The following BCL2A1 variants were observed in gnomAD, a reference collection of about 807,000 sequenced individuals.
The protein encoded by BCL2A1 is BCL2 related protein A1.
A neutral mutation model predicts 14.4 loss-of-function variants in BCL2A1; 10 were observed. That is an observed-to-expected ratio of 0.69 (90% CI 0.43 to 1.18). The LOEUF is 1.18. Among genes scored for constraint, BCL2A1 ranks in the 50% most tolerant of loss-of-function variants. The probability of loss-of-function intolerance (pLI) is 0.00; values close to 1 mark genes in which losing one functional copy is unlikely to be tolerated. For synonymous variants in BCL2A1, 71 were observed against 76.5 expected (o/e 0.93, Z 0.38); for missense variants, 158 against 205.0 (o/e 0.77, Z 1.40).
At chr15:79,964,949 A>G (rs1394466577) in intron 1 of BCL2A1, among the ~76,000 whole-genome samples, 1 of 152,132 alleles carries the variant, frequency 6.6e-6, no homozygotes, top group Non-Finnish European at 1.5e-5. Context: ...AGCTTATCCA[A>G]GGAGGCTGGA....
intron 1 of BCL2A1, among the ~76,000 whole-genome samples, chr15:79,970,216 T>C (rs1308095913): frequency 6.6e-6 from 1 of 152,138 alleles, no homozygotes; most frequent in Non-Finnish European, 1.5e-5. Flanking sequence ...ATTAGTAAAC[T>C]GAAAAACACC....
intron 1 of BCL2A1, among the ~76,000 whole-genome samples, chr15:79,964,293 A>C (rs560920661): frequency 7.2e-5 from 11 of 152,238 alleles, no homozygotes; most frequent in African/African-American, 2.6e-4. Flanking sequence ...AAAGAAAATC[A>C]AAATCTCAGA....
At chr15:79,967,517 A>C in intron 1 of BCL2A1, 217 of 1,137,950 alleles carry the variant, frequency 1.9e-4, no homozygotes, top group Non-Finnish European at 2.4e-4. Context: ...CACCCGGCAC[A>C]TACCGCATTG....
At chr15:79,968,888 C>G (rs1429553199) in intron 1 of BCL2A1, among the ~76,000 whole-genome samples, 2 of 152,160 alleles carry the variant, frequency 1.3e-5, no homozygotes, top group Non-Finnish European at 2.9e-5. Context: ...TGAGATCACA[C>G]CACTGCACTC....
chr15:79,965,860 C>T (rs1186451895), intron 1 of BCL2A1, among the ~76,000 whole-genome samples: 5 of 151,346 alleles, frequency 3.3e-5, no homozygotes, highest in Non-Finnish European at 7.4e-5. Flanking sequence ...ATGCCTTTGC[C>T]AAAGTGAACA....
chr15:79,964,859 A>G (rs2035523466), intron 1 of BCL2A1, among the ~76,000 whole-genome samples: 1 of 152,210 alleles, frequency 6.6e-6, no homozygotes, highest in African/African-American at 2.4e-5. Flanking sequence ...GGAAGAAGTA[A>G]GCCAGGCAAA....
At position 79,960,926 on chromosome 15, in the gene BCL2A1, G is replaced by C; in HGVS notation, c.*141C>G. 2 of 1,343,490 alleles carry C rather than the reference G, an allele frequency of 1.5e-6. No individual in the cohort carries two copies. Among genetic ancestry groups the C allele is most frequent in the East Asian group, 2.3e-5 (1 of 43,158 alleles). 83.2% of individuals were successfully genotyped at this position (1,343,490 alleles called of 1,614,324 possible). A position where few individuals can be genotyped will look rare whatever the true frequency, so the allele number is the denominator to read the frequency against. Reference sequence around the variant, plus strand: ...ATACATACAATTTATTCATTACATGGGGACAAAATTTCCATAACTCTGGAA... The same window carrying C: ...ATACATACAATTTATTCATTACATGCGGACAAAATTTCCATAACTCTGGAA... On this transcript the variant is annotated 3_prime_UTR_variant, in exon 2 of 2. Coordinates refer to ENST00000267953, the MANE Select transcript of BCL2A1 (RefSeq NM_004049.4).
intron 1 of BCL2A1, among the ~76,000 whole-genome samples, chr15:79,969,266 G>C (rs575221215): frequency 6.6e-6 from 1 of 152,304 alleles, no homozygotes; most frequent in Admixed American, 6.5e-5. Context: ...ACGAGCTGCT[G>C]ATGGGAGTGT....
At chr15:79,963,673 T>C (rs1394740868) in intron 1 of BCL2A1, among the ~76,000 whole-genome samples, 2 of 152,202 alleles carry the variant, frequency 1.3e-5, no homozygotes, top group African/African-American at 2.4e-5. Flanking sequence ...ATTGTAATTA[T>C]ACACACATCT....
intron 1 of BCL2A1, chr15:79,967,645 G>A: frequency 6.3e-7 from 1 of 1,596,800 alleles, no homozygotes; most frequent in East Asian, 2.2e-5. Context: ...ACCTCTTCTT[G>A]TGGGCCACTG....
chr15:79,970,342 T>C (rs1285789364), intron 1 of BCL2A1, among the ~76,000 whole-genome samples: 1 of 152,196 alleles, frequency 6.6e-6, no homozygotes, highest in Non-Finnish European at 1.5e-5. Context: ...ATTTCTGTAC[T>C]GTCTGTACTG....
chr15:79,969,742 A>G (rs569541240), intron 1 of BCL2A1, among the ~76,000 whole-genome samples: 1 of 152,352 alleles, frequency 6.6e-6, no homozygotes, highest in South Asian at 2.1e-4. Flanking sequence ...CATTTTATAT[A>G]AAACTTTTTT....
chr15:79,965,209 C>G (rs1057417829), intron 1 of BCL2A1, among the ~76,000 whole-genome samples: 1 of 152,158 alleles, frequency 6.6e-6, no homozygotes, highest in Admixed American at 6.5e-5. Flanking sequence ...CTCACTGCAA[C>G]CTCCGCCTCC....
At position 79,971,118 on chromosome 15, in the gene BCL2A1, ATCT is replaced by A. The variant is rs770250219; in HGVS notation, c.-2_1del. On this transcript the variant is annotated start_lost and start_retained_variant and 5_prime_UTR_variant, in exon 1 of 2. Coordinates refer to ENST00000267953, the MANE Select transcript of BCL2A1 (RefSeq NM_004049.4). ...AATATATCCAAATTCACAGTCTGTC[ATCT>A]TCTGCCTGGTGGAGAGCAAAGTCTT... The A allele has an allele frequency of 6.2e-7, 1 of 1,612,270 alleles. No homozygotes were observed. The highest frequency in any genetic ancestry group is 8.5e-7 in the Non-Finnish European group (1 of 1,178,708).
rs1431604268 is a variant in BCL2A1, at chr15:79,961,183, G to T, written c.421-9C>A. Reference sequence around the variant, plus strand: ...TTTACAAAGCCATTTTCCTATAAAAGAATAAATTTAACACTTTAAACATCA... The same window carrying T: ...TTTACAAAGCCATTTTCCTATAAAATAATAAATTTAACACTTTAAACATCA... On this transcript the variant is annotated splice_polypyrimidine_tract_variant and intron_variant, in intron 1 of 1. Transcript: ENST00000267953. 5 of 1,609,172 alleles carry T rather than the reference G, an allele frequency of 3.1e-6. No individual in the cohort carries two copies. In the African/African-American group the frequency reaches 4.0e-5, roughly 13 times the overall value.
At chr15:79,961,553 A>G (rs1257624732) in intron 1 of BCL2A1, among the ~76,000 whole-genome samples, 1 of 152,180 alleles carries the variant, frequency 6.6e-6, no homozygotes, top group Admixed American at 6.5e-5. Flanking sequence ...TCACTTCCAT[A>G]GTGGACAGCA....
chr15:79,964,425 C>T (rs578260049), intron 1 of BCL2A1, among the ~76,000 whole-genome samples: 10 of 152,160 alleles, frequency 6.6e-5, no homozygotes, highest in Non-Finnish European at 1.5e-4. Flanking sequence ...GCCAAGATTG[C>T]GCCACTGCAC....
chr15:79,967,930 TA>T (rs397977008), intron 1 of BCL2A1, among the ~76,000 whole-genome samples: 75 of 144,100 alleles, frequency 5.2e-4, no homozygotes, highest in East Asian at 6.2e-4. Context: ...GTGTTTTTTT[TA>T]AAAAAAAAAA....
chr15:79,967,428 C>A (rs2035552832), intron 1 of BCL2A1, among the ~76,000 whole-genome samples: 1 of 152,096 alleles, frequency 6.6e-6, no homozygotes. Context: ...CTTAGCTAGG[C>A]TGCTCTTGAA....
Sources: gnomAD v4.1 joint callset for allele counts (sites outside exome capture counted in the v4.1 genomes callset) on GRCh38, gnomAD v4.1.1 for gene constraint, MANE v1.5 for transcripts, NCBI Gene and HGNC (gene_info 2026-07-23, HGNC 2026-07-21) for gene names.